KCNIP4: variants seen among roughly 807,000 people sequenced by gnomAD.
KCNIP4 encodes Kv channel-interacting protein 4.
A neutral mutation model predicts 34.0 loss-of-function variants in KCNIP4; 12 were observed. The ratio of observed to expected loss-of-function variants is 0.35; its 90% CI spans 0.23 to 0.57. The LOEUF (loss-of-function observed/expected upper bound fraction) is 0.57, where lower values mean the gene tolerates loss of function less well. Ranked by LOEUF, KCNIP4 falls within the 20% of genes least tolerant of loss-of-function variation. KCNIP4 has a pLI of 0.83. For missense variants in KCNIP4, 238 were observed against 311.7 expected, an observed-to-expected ratio of 0.76 and a Z score of 1.78; for synonymous variants, 124 against 102.2, an observed-to-expected ratio of 1.21 and a Z score of -1.29.
chr4:21,318,205 G>A (rs1039145741), intron 1 of KCNIP4, among the ~76,000 whole-genome samples: 9 of 152,258 alleles, frequency 5.9e-5, no homozygotes, highest in Middle Eastern at 6.8e-3. Flanking sequence ...AAAATGACAC[G>A]CAAGTAACTT....
chr4:21,322,512 C>T (rs1714607006), intron 1 of KCNIP4, among the ~76,000 whole-genome samples: 1 of 152,108 alleles, frequency 6.6e-6, no homozygotes, highest in Admixed American at 6.6e-5. Context: ...CACACATTCT[C>T]CCCTAAAAAT....
At chr4:21,668,274 G>A (rs1749179782) in intron 1 of KCNIP4, among the ~76,000 whole-genome samples, 1 of 151,974 alleles carries the variant, frequency 6.6e-6, no homozygotes, top group Admixed American at 6.6e-5. Flanking sequence ...GGGTCAACAG[G>A]TTCAGCAAAC....
At chr4:21,529,159 T>C (rs1046629870) in intron 1 of KCNIP4, among the ~76,000 whole-genome samples, 3 of 152,116 alleles carry the variant, frequency 2.0e-5, no homozygotes, top group African/African-American at 4.8e-5. Flanking sequence ...GCAGTTACCA[T>C]AATAGGCAGC....
chr4:21,391,465 C>T (rs924641097), intron 1 of KCNIP4, among the ~76,000 whole-genome samples: 1 of 152,112 alleles, frequency 6.6e-6, no homozygotes, highest in African/African-American at 2.4e-5. Context: ...AACTCATCCT[C>T]TCTTCTGATA....
chr4:21,904,013 A>G (rs919111679), intron 1 of KCNIP4, among the ~76,000 whole-genome samples: 1 of 152,196 alleles, frequency 6.6e-6, no homozygotes, highest in South Asian at 2.1e-4. Flanking sequence ...TAATGGATTA[A>G]CTTGATTTTG....
intron 1 of KCNIP4, among the ~76,000 whole-genome samples, chr4:21,110,386 T>C (rs1749050018): frequency 6.6e-6 from 1 of 152,186 alleles, no homozygotes; most frequent in Non-Finnish European, 1.5e-5. Context: ...TGTGGCTCAC[T>C]AGACCAATGA....
intron 1 of KCNIP4, among the ~76,000 whole-genome samples, chr4:21,321,078 C>T (rs1296390672): frequency 6.6e-6 from 1 of 151,324 alleles, no homozygotes; most frequent in Non-Finnish European, 1.5e-5. Context: ...GGAAAAAATG[C>T]ATTTTTTAAT....
chr4:21,488,756 G>A (rs1019983785), intron 1 of KCNIP4, among the ~76,000 whole-genome samples: 5 of 152,082 alleles, frequency 3.3e-5, no homozygotes, highest in Admixed American at 3.3e-4. Context: ...ATTCCAGAAA[G>A]CAGAGAAAAG....
chr4:21,124,767 A>G (rs1399795442), intron 1 of KCNIP4, among the ~76,000 whole-genome samples: 2 of 152,102 alleles, frequency 1.3e-5, no homozygotes, highest in East Asian at 3.9e-4. Context: ...CATAGTATTG[A>G]CAACAGATAC....
intron 1 of KCNIP4, among the ~76,000 whole-genome samples, chr4:21,501,687 C>CG (rs1247867921): frequency 4.0e-4 from 17 of 42,506 alleles, no homozygotes; most frequent in East Asian, 7.3e-4. Context: ...ATGCAGAAGC[C>CG]TTGTGTGTGT....
At chr4:21,034,593 C>A (rs1443316308) in intron 1 of KCNIP4, among the ~76,000 whole-genome samples, 1 of 152,114 alleles carries the variant, frequency 6.6e-6, no homozygotes, top group Non-Finnish European at 1.5e-5. Context: ...TGACTGGGGA[C>A]AGCCTGAGAA....
intron 1 of KCNIP4, among the ~76,000 whole-genome samples, chr4:21,226,248 A>AGGGAGGGG (rs1758378473): frequency 4.1e-5 from 1 of 24,530 alleles, no homozygotes; most frequent in African/African-American, 4.9e-4. Flanking sequence ...GGAGGGGGGG[A>AGGGAGGGG]GGGAGGGAGG....
At chr4:20,796,382 C>T (rs572044646) in intron 3 of KCNIP4, among the ~76,000 whole-genome samples, 1 of 152,082 alleles carries the variant, frequency 6.6e-6, no homozygotes. Context: ...GATCACAGAA[C>T]TGGTTTTTAA....
intron 1 of KCNIP4, among the ~76,000 whole-genome samples, chr4:21,287,125 A>C (rs1763169076): frequency 1.3e-5 from 2 of 152,170 alleles, no homozygotes; most frequent in African/African-American, 2.4e-5. Context: ...ATTCTACTGA[A>C]AATATTTTAG....
chr4:20,751,042 C>T (rs1753525604), intron 4 of KCNIP4, among the ~76,000 whole-genome samples: 1 of 152,176 alleles, frequency 6.6e-6, no homozygotes, highest in Non-Finnish European at 1.5e-5. Flanking sequence ...GGCCTCCTTA[C>T]AGGTTGTTTT....
In KCNIP4 at chr4:21,194,098, T is replaced by C. The variant is rs148078377; in HGVS notation, c.62-311389A>G. ...GGCACTAAAGACACTTTTACAAATG[T>C]TGCTTTATCAAGTGGGTTTTGTTTT... On this transcript the variant is annotated intron_variant, in intron 1 of 8. Transcript: ENST00000382152. 2.0e-3 allele frequency among the ~76,000 whole-genome samples: 299 copies of C among 152,276 alleles called. 1 individual carries two copies. The highest frequency in any genetic ancestry group is 6.9e-3 in the African/African-American group (287 of 41,552).
intron 1 of KCNIP4, among the ~76,000 whole-genome samples, chr4:21,191,370 G>T (rs6844318): frequency 5.3e-5 from 8 of 152,062 alleles, no homozygotes; most frequent in Non-Finnish European, 2.9e-5. Context: ...AGGCTGGAAA[G>T]TATTCATAAA....
chr4:20,896,851 T>C (rs1388894830), intron 1 of KCNIP4, among the ~76,000 whole-genome samples: 1 of 152,054 alleles, frequency 6.6e-6, no homozygotes, highest in Non-Finnish European at 1.5e-5. Context: ...CCCTACTGTA[T>C]ATAGAACAAT....
intron 1 of KCNIP4, among the ~76,000 whole-genome samples, chr4:21,031,182 A>G (rs890952380): frequency 1.3e-5 from 2 of 152,104 alleles, no homozygotes; most frequent in African/African-American, 4.8e-5. Flanking sequence ...ACTTCTTCAC[A>G]TGGCTTTCTG....
Sources: allele counts gnomAD v4.1 joint callset (sites outside exome capture counted in the v4.1 genomes callset), GRCh38; gene constraint gnomAD v4.1.1; transcripts MANE v1.5; gene names NCBI Gene and HGNC (gene_info 2026-07-23, HGNC 2026-07-21).